Variants in NOL7 observed in about 807,000 individuals in gnomAD.
The protein encoded by NOL7 is U3 small nucleolar RNA-associated protein NOL7.
NOL7 carries 36 observed loss-of-function variants against 38.4 expected under a neutral mutation model. That is an observed-to-expected ratio of 0.94 (90% CI 0.72 to 1.24). The LOEUF is 1.24. Among genes scored for constraint, NOL7 ranks in the 50% most tolerant of loss-of-function variants. NOL7 has a pLI of 0.00. For synonymous variants in NOL7, 142 were observed against 126.5 expected (o/e 1.12, Z -0.82); for missense variants, 350 against 315.1 (o/e 1.11, Z -0.84).
chr6:13,617,687 T>C, intron 3 of NOL7, 83 bp from the exon 4 acceptor site: 2 of 1,361,450 alleles, frequency 1.5e-6, no homozygotes, highest in Non-Finnish European at 2.1e-6. Flanking sequence ...GTGTCTTACT[T>C]GTAAAGGCAA....
chr6:13,621,799 T>TGTAA (rs1246435850), downstream of NOL7: 1 of 152,660 alleles, frequency 6.6e-6, no homozygotes, highest in Non-Finnish European at 1.5e-5. Context: ...AGGTCGGGAT[T>TGTAA]GTAAGTAGCA....
At position 13,615,403 on chromosome 6, in the gene NOL7, G is replaced by T; in HGVS notation, c.45G>T (p.Ala15=). Residue 15 remains alanine (A), a synonymous_variant, in exon 1 of 8, where the codon GCG becomes GCT. Transcript: ENST00000451315. ...GAGCGTCTCGCGCCCCGGCGTCGGCGGAGGCGATGGTGGACGAGGGCCAGC... is the reference window on the plus strand; with the variant it reads ...GAGCGTCTCGCGCCCCGGCGTCGGCTGAGGCGATGGTGGACGAGGGCCAGC... The part of the protein sequence containing the change: ...RPRASRAPAS[A]EAMVDEGQLA... 6.5e-7 allele frequency: 1 copy of T among 1,538,006 alleles called. No individual in the cohort carries two copies. Among genetic ancestry groups the T allele is most frequent in the Non-Finnish European group, 8.8e-7 (1 of 1,142,726 alleles).
At chr6:13,624,683 CTG>C (rs1324545611), downstream of NOL7, among the ~76,000 whole-genome samples, 1 of 152,198 alleles carries the variant, frequency 6.6e-6, no homozygotes, top group Non-Finnish European at 1.5e-5. Context: ...CTACAGTGAG[CTG>C]CTCATAGGAA....
chr6:13,623,258 C>T (rs578136835), downstream of NOL7, among the ~76,000 whole-genome samples: 1 of 152,222 alleles, frequency 6.6e-6, no homozygotes. Context: ...TATGAGAAGG[C>T]AATGTCCAAA....
At chr6:13,616,148 GT>G (rs1238923212) in intron 2 of NOL7, among the ~76,000 whole-genome samples, 2 of 152,228 alleles carry the variant, frequency 1.3e-5, no homozygotes, top group African/African-American at 4.8e-5. Context: ...TTAGTGTATG[GT>G]TGCTTTGCTG....
At chr6:13,627,015 A>G (rs896741730) in intron 8 of NOL7, among the ~76,000 whole-genome samples, 4 of 152,240 alleles carry the variant, frequency 2.6e-5, no homozygotes, top group African/African-American at 9.6e-5. Flanking sequence ...GCAAACACAC[A>G]TGGCTCCTCC....
Position 13,629,921 on chromosome 6 carries a change from CGTGT to C in NOL7, n.574-2453_574-2450del, listed in dbSNP as rs3063992. On this transcript the variant is annotated intron_variant and non_coding_transcript_variant, in intron 8 of 8. Coordinates refer to the NOL7 transcript ENST00000474485. Reference sequence around the variant, plus strand: ...TCTCTCTCTCTCTCTCTCTCTCTCTCGTGTGTGTGTGTGTGTGTGTGTATTTGCA... The same window carrying C: ...TCTCTCTCTCTCTCTCTCTCTCTCTCGTGTGTGTGTGTGTGTGTATTTGCA... Among the ~76,000 whole-genome samples the C allele has an allele frequency of 6.5e-4, 83 of 128,426 alleles. 1 individual carries two copies. The highest frequency in any genetic ancestry group is 5.6e-3 in the South Asian group (22 of 3,950). 84.3% of individuals were successfully genotyped at this position (128,426 alleles called of 152,430 possible).
chr6:13,622,463 G>C (rs1447953355), downstream of NOL7: 1 of 1,593,480 alleles, frequency 6.3e-7, no homozygotes. Context: ...GCTAGGGCAA[G>C]TGGAGGTTGC....
Sources: gnomAD v4.1 joint callset for allele counts (sites outside exome capture counted in the v4.1 genomes callset) on GRCh38, gnomAD v4.1.1 for gene constraint, MANE v1.5 for transcripts, NCBI Gene and HGNC (gene_info 2026-07-23, HGNC 2026-07-21) for gene names.